PPA2: variants seen among roughly 807,000 people sequenced by gnomAD.
The protein encoded by PPA2 is inorganic pyrophosphatase 2, mitochondrial.
PPA2 carries 48 observed loss-of-function variants against 49.5 expected under a neutral mutation model. The observed-to-expected ratio is 0.97, with a 90% CI of 0.77 to 1.23. The LOEUF (loss-of-function observed/expected upper bound fraction) is 1.23, where lower values mean the gene tolerates loss of function less well. PPA2 is among the 50% of genes most tolerant of loss of function. The pLI is 0.00. For synonymous variants in PPA2, 131 were observed against 139.9 expected (o/e 0.94, Z 0.45); for missense variants, 429 against 410.1 (o/e 1.05, Z -0.40).
intron 1 of PPA2, among the ~76,000 whole-genome samples, chr4:105,467,630 T>A (rs928250562): frequency 7.9e-5 from 12 of 152,014 alleles, no homozygotes; most frequent in African/African-American, 2.7e-4. Flanking sequence ...GGAAGCAGGG[T>A]GAAGAATCAG....
intron 6 of PPA2, among the ~76,000 whole-genome samples, chr4:105,431,125 A>G (rs1723778804): frequency 6.6e-6 from 1 of 152,192 alleles, no homozygotes; most frequent in African/African-American, 2.4e-5. Context: ...AAGTGTAAGA[A>G]AACATTTGGG....
chr4:105,433,722 G>A (rs568814043), intron 6 of PPA2, among the ~76,000 whole-genome samples: 6 of 152,234 alleles, frequency 3.9e-5, no homozygotes, highest in South Asian at 4.1e-4. Flanking sequence ...CCTGCCCTCC[G>A]GCATGCTTCT....
intron 6 of PPA2, among the ~76,000 whole-genome samples, chr4:105,427,552 T>C (rs900695498): frequency 1.3e-5 from 2 of 151,920 alleles, no homozygotes; most frequent in African/African-American, 4.8e-5. Flanking sequence ...TCGTGAAGCA[T>C]ACAAAAGCTT....
chr4:105,459,877 T>C (rs2110322049), intron 1 of PPA2, among the ~76,000 whole-genome samples: 1 of 152,290 alleles, frequency 6.6e-6, no homozygotes, highest in African/African-American at 2.4e-5. Flanking sequence ...GTGCAGTCAC[T>C]GGTTGGTTGC....
intron 3 of PPA2, among the ~76,000 whole-genome samples, chr4:105,450,849 C>T (rs1186676429): frequency 2.0e-5 from 3 of 152,060 alleles, no homozygotes; most frequent in East Asian, 1.9e-4. Context: ...CCTCGTGATC[C>T]GCCCACCTCG....
intron 2 of PPA2, among the ~76,000 whole-genome samples, chr4:105,454,867 T>C (rs1305984392): frequency 6.6e-6 from 1 of 152,138 alleles, no homozygotes; most frequent in Non-Finnish European, 1.5e-5. Context: ...TTATTCTCAC[T>C]GACATGTTTC....
intron 7 of PPA2, among the ~76,000 whole-genome samples, chr4:105,415,104 T>C (rs1722945754): frequency 6.6e-6 from 1 of 152,138 alleles, no homozygotes; most frequent in South Asian, 2.1e-4. Flanking sequence ...TGGGCAGCCA[T>C]GGTTAGGCCC....
Position 105,413,718 on chromosome 4 carries a change from T to C in PPA2, c.655+10478A>G, listed in dbSNP as rs141005963. Among the ~76,000 whole-genome samples the C allele has an allele frequency of 2.0e-3, 311 of 152,276 alleles. 6 individuals carry two copies. The highest frequency in any genetic ancestry group is 7.3e-3 in the African/African-American group (305 of 41,564). ...TTCTGTTCAGCAGTGTTAGAAAAAT[T>C]GTATACACAGACAAAATAAATTCCA... On this transcript the variant is annotated intron_variant, in intron 7 of 11. Transcript: ENST00000341695.
chr4:105,433,096 G>C (rs1208206346), intron 6 of PPA2, among the ~76,000 whole-genome samples: 2 of 152,070 alleles, frequency 1.3e-5, no homozygotes, highest in African/African-American at 2.4e-5. Flanking sequence ...GGTTCCTAAA[G>C]GAAATCATTC....
intron 2 of PPA2, among the ~76,000 whole-genome samples, chr4:105,454,298 GC>G (rs376408067): frequency 0.028 from 3,112 of 111,868 alleles, 47 homozygotes; most frequent in Middle Eastern, 0.073. Flanking sequence ...TGTTTTTGCT[GC>G]TGCTGTTGTT....
chr4:105,461,698 A>C lies in PPA2; in HGVS notation c.158-4953T>G, dbSNP rs539847705. Among the ~76,000 whole-genome samples, 71 of 152,306 alleles carry C rather than the reference A, an allele frequency of 4.7e-4. No homozygotes were observed. In the South Asian group the frequency reaches 5.8e-3, roughly 12 times the overall value. On this transcript the variant is annotated intron_variant, in intron 1 of 11. Coordinates refer to ENST00000341695, the MANE Select transcript of PPA2 (RefSeq NM_176869.3). The stretch of plus-strand genomic sequence containing the variant: ...GGCTCAGAATTTTAGTTTATTTCTC[A>C]ACAGTCACTCAATTTCTCTGAAGCT...
intron 5 of PPA2, among the ~76,000 whole-genome samples, chr4:105,438,372 GT>G (rs1724167815): frequency 1.3e-5 from 2 of 152,182 alleles, no homozygotes; most frequent in South Asian, 4.1e-4. Flanking sequence ...CTGTGCCCTT[GT>G]TTCTGTGTTT....
chr4:105,378,691 G>A (rs1010359540), intron 10 of PPA2, among the ~76,000 whole-genome samples: 1 of 151,966 alleles, frequency 6.6e-6, no homozygotes, highest in Non-Finnish European at 1.5e-5. Flanking sequence ...TAAGTTTTGT[G>A]CCTTAAATTT....
At chr4:105,430,369 A>G (rs1201747813) in intron 6 of PPA2, among the ~76,000 whole-genome samples, 1 of 152,324 alleles carries the variant, frequency 6.6e-6, no homozygotes, top group African/African-American at 2.4e-5. Context: ...GGGAATATAC[A>G]CAATTATATT....
At chr4:105,459,979 G>A (rs1454954013) in intron 1 of PPA2, among the ~76,000 whole-genome samples, 2 of 152,160 alleles carry the variant, frequency 1.3e-5, no homozygotes, top group Admixed American at 6.5e-5. Context: ...ACTTTGTGAT[G>A]CTGTTTACAC....
At chr4:105,380,144 G>T (rs2110366991) in intron 10 of PPA2, among the ~76,000 whole-genome samples, 1 of 152,202 alleles carries the variant, frequency 6.6e-6, no homozygotes, top group East Asian at 1.9e-4. Context: ...AAGCCAACTG[G>T]GCTTAGAGTC....
intron 1 of PPA2, among the ~76,000 whole-genome samples, chr4:105,460,014 G>T (rs1723019947): frequency 6.6e-6 from 1 of 152,128 alleles, no homozygotes; most frequent in African/African-American, 2.4e-5. Flanking sequence ...TCAAAACTCA[G>T]AAGTGTCCAC....
intron 9 of PPA2, among the ~76,000 whole-genome samples, chr4:105,391,349 A>C (rs1317925103): frequency 6.6e-6 from 1 of 151,264 alleles, no homozygotes; most frequent in Admixed American, 6.6e-5. Context: ...AGTAACAAAA[A>C]AAAAAAAAAA....
chr4:105,377,654 T>C (rs1026224775), intron 10 of PPA2, among the ~76,000 whole-genome samples: 1 of 152,104 alleles, frequency 6.6e-6, no homozygotes, highest in Non-Finnish European at 1.5e-5. Flanking sequence ...ATAATAAACA[T>C]ATTCACCACT....
Sources: gnomAD v4.1 joint callset for allele counts (sites outside exome capture counted in the v4.1 genomes callset) on GRCh38, gnomAD v4.1.1 for gene constraint, MANE v1.5 for transcripts, NCBI Gene and HGNC (gene_info 2026-07-23, HGNC 2026-07-21) for gene names.